The following ZNF521 variants were observed in gnomAD, a reference collection of about 807,000 sequenced individuals.
ZNF521 encodes LYST-interacting protein 3.
A neutral mutation model predicts 105.5 loss-of-function variants in ZNF521; 14 were observed. The ratio of observed to expected loss-of-function variants is 0.13; its 90% CI spans 0.09 to 0.21. ZNF521 has a LOEUF of 0.21. ZNF521 is among the 10% of genes least tolerant of loss of function. The pLI, the probability that ZNF521 is intolerant of heterozygous loss-of-function variation, is 1.00. For synonymous variants in ZNF521, 635 were observed against 606.0 expected, an observed-to-expected ratio of 1.05 and a Z score of -0.70; for missense variants, 1,233 against 1,629.7, an observed-to-expected ratio of 0.76 and a Z score of 4.19.
chr18:25,152,714 T>C (rs936737568), intron 5 of ZNF521, among the ~76,000 whole-genome samples: 1 of 152,204 alleles, frequency 6.6e-6, no homozygotes, highest in Non-Finnish European at 1.5e-5. Flanking sequence ...CTCTCTTGAC[T>C]ACATACATCT....
chr18:25,081,159 G>A (rs1296077311), intron 7 of ZNF521, among the ~76,000 whole-genome samples: 2 of 152,170 alleles, frequency 1.3e-5, no homozygotes, highest in Non-Finnish European at 2.9e-5. Flanking sequence ...TGCAGAACTG[G>A]CCACAGTGCT....
chr18:25,340,943 A>T (rs1408933835), intron 2 of ZNF521, among the ~76,000 whole-genome samples: 1 of 152,218 alleles, frequency 6.6e-6, no homozygotes, highest in Non-Finnish European at 1.5e-5. Context: ...TATTTTGAAG[A>T]TTAAAAATTT....
Position 25,225,921 on chromosome 18 carries a change from C to A in ZNF521, c.1997G>T (p.Cys666Phe). The A allele has an allele frequency of 6.2e-7, 1 of 1,614,090 alleles. No homozygotes were observed. Among genetic ancestry groups the A allele is most frequent in the Non-Finnish European group, 8.5e-7 (1 of 1,180,018 alleles). ...GGGGAATTCCTTGTTGCACTGAGGA[C>A]AGGTCAATTTTGGAAGCACAGTGTC... ...HLDTVLPKLT[C>F]PQCNKEFPNQ... Residue 666 changes from cysteine (C) to phenylalanine (F), a missense_variant, in exon 4 of 8, where the codon TGT (cysteine) becomes TTT (phenylalanine). Transcript: ENST00000361524. This position sits in a 1 kb window ranked among gnomAD's most constrained non-coding sequence, Gnocchi z 5.6.
At chr18:25,144,064 G>T (rs1249365663) in intron 5 of ZNF521, among the ~76,000 whole-genome samples, 4 of 152,130 alleles carry the variant, frequency 2.6e-5, no homozygotes, top group African/African-American at 9.7e-5. Context: ...TTTGGTGAAA[G>T]AAAATTCATC....
chr18:25,122,258 T>G (rs1242064051), intron 5 of ZNF521, among the ~76,000 whole-genome samples: 1 of 151,612 alleles, frequency 6.6e-6, no homozygotes, highest in Non-Finnish European at 1.5e-5. Context: ...AGAGACAAGG[T>G]AGTGAAAAAA....
At chr18:25,103,254 G>C (rs928045109) in intron 5 of ZNF521, among the ~76,000 whole-genome samples, 13 of 152,156 alleles carry the variant, frequency 8.5e-5, no homozygotes. Context: ...ACCTGTGATG[G>C]AGTGGCTGAA....
chr18:25,265,874 T>A (rs1002205840), intron 3 of ZNF521, among the ~76,000 whole-genome samples: 9 of 152,200 alleles, frequency 5.9e-5, no homozygotes. Context: ...AATAAGATCC[T>A]GTCGTTTGCA....
chr18:25,328,714 G>A (rs1273480256), intron 2 of ZNF521, among the ~76,000 whole-genome samples: 1 of 151,854 alleles, frequency 6.6e-6, no homozygotes, highest in African/African-American at 2.4e-5. Flanking sequence ...CACCATGCCT[G>A]GCTAATTTTT....
At chr18:25,238,713 C>T (rs1422705443) in intron 3 of ZNF521, among the ~76,000 whole-genome samples, 1 of 152,170 alleles carries the variant, frequency 6.6e-6, no homozygotes, top group Non-Finnish European at 1.5e-5. Context: ...CTGTACACAA[C>T]AAAACCAAAG....
rs764132975 is a variant in ZNF521, at chr18:25,224,760, T to C, written c.3158A>G (p.Gln1053Arg). The part of the protein sequence containing the change: ...MQKTGNGSAV[Q>R]TTGRGQHVQK... ...GACGTGCTGGCCCCGCCCTGTGGTC[T>C]GAACTGCAGACCCATTCCCTGTCTT... Residue 1053 changes from glutamine (Q) to arginine (R), a missense_variant, in exon 4 of 8, where the codon CAG becomes CGG. Gln to Arg is a conservative substitution (Grantham distance 43, BLOSUM62 1). Around this residue, in one of 6 missense-constraint regions of ZNF521, gnomAD observed 614 missense variants for 751.5 expected, o/e 0.82. Coordinates refer to ENST00000361524, the MANE Select transcript of ZNF521 (RefSeq NM_015461.3). The C allele has an allele frequency of 2.5e-6, 4 of 1,614,040 alleles. No homozygotes were observed. Among genetic ancestry groups the C allele is most frequent in the Non-Finnish European group, 3.4e-6 (4 of 1,180,006 alleles).
chr18:25,182,423 G>A (rs1441736164), intron 5 of ZNF521, among the ~76,000 whole-genome samples: 1 of 152,150 alleles, frequency 6.6e-6, no homozygotes, highest in Admixed American at 6.6e-5. Context: ...AAACAAGCTG[G>A]AAAATGGGAT....
At chr18:25,170,523 T>C (rs1183145298) in intron 5 of ZNF521, among the ~76,000 whole-genome samples, 1 of 152,164 alleles carries the variant, frequency 6.6e-6, no homozygotes, top group Non-Finnish European at 1.5e-5. Flanking sequence ...CCTCTCTAAA[T>C]CAGTTTTGAC....
At chr18:25,263,851 T>G (rs968061479) in intron 3 of ZNF521, among the ~76,000 whole-genome samples, 2 of 152,192 alleles carry the variant, frequency 1.3e-5, no homozygotes, top group African/African-American at 4.8e-5. Flanking sequence ...GTACTAGGAT[T>G]ACAGGCATAA....
At chr18:25,339,222 G>T (rs1048754417) in intron 2 of ZNF521, among the ~76,000 whole-genome samples, 4 of 152,154 alleles carry the variant, frequency 2.6e-5, no homozygotes, top group Admixed American at 2.6e-4. Flanking sequence ...TGTCTTCATA[G>T]ACTGTTAGTT....
chr18:25,343,678 A>G (rs1315353258), intron 2 of ZNF521, among the ~76,000 whole-genome samples: 1 of 152,202 alleles, frequency 6.6e-6, no homozygotes, highest in African/African-American at 2.4e-5. Context: ...TAAAAATAAG[A>G]TTCAAAATGA....
At chr18:25,183,110 G>C (rs2035660706) in intron 5 of ZNF521, among the ~76,000 whole-genome samples, 1 of 152,086 alleles carries the variant, frequency 6.6e-6, no homozygotes, top group South Asian at 2.1e-4. Flanking sequence ...AACAATATCT[G>C]TCTAATACTC....
intron 2 of ZNF521, among the ~76,000 whole-genome samples, chr18:25,333,299 A>ACTCT (rs150034581): frequency 0.54 from 77,510 of 142,604 alleles, 21,149 homozygotes; most frequent in Middle Eastern, 0.6. Flanking sequence ...ATAAGGACAC[A>ACTCT]CTCTCTCTCT....
chr18:25,199,221 A>G (rs1029376986), intron 4 of ZNF521, among the ~76,000 whole-genome samples: 2 of 147,354 alleles, frequency 1.4e-5, no homozygotes, highest in East Asian at 3.9e-4. Context: ...AAGAGGAACA[A>G]CTATTACTAT....
At chr18:25,340,651 C>CA (rs1914147707) in intron 2 of ZNF521, among the ~76,000 whole-genome samples, 1 of 152,180 alleles carries the variant, frequency 6.6e-6, no homozygotes, top group African/African-American at 2.4e-5. Flanking sequence ...GTTGGAGCTA[C>CA]AAGGGAACTC....
Sources: allele counts gnomAD v4.1 joint callset (sites outside exome capture counted in the v4.1 genomes callset), GRCh38; gene constraint gnomAD v4.1.1; regional missense constraint gnomAD v4.1.1; non-coding constraint Gnocchi (gnomAD v3.1); transcripts MANE v1.5; gene names NCBI Gene and HGNC (gene_info 2026-07-23, HGNC 2026-07-21).